Variants in DCC observed in about 807,000 individuals in gnomAD.
The protein encoded by DCC is DCC netrin 1 receptor.
Under a neutral mutation model 172.5 loss-of-function variants are expected in DCC, and 58 were observed. The observed-to-expected ratio is 0.34, with a 90% CI of 0.27 to 0.42. The LOEUF (loss-of-function observed/expected upper bound fraction) is 0.42. DCC is among the 10% of genes least tolerant of loss of function. The pLI is 1.00. For synonymous variants in DCC, 709 were observed against 644.5 expected (o/e 1.10, Z -1.52); for missense variants, 1,740 against 1,791.0 (o/e 0.97, Z 0.51).
chr18:52,386,610 A>C (rs1261834176), intron 1 of DCC, among the ~76,000 whole-genome samples: 1 of 152,090 alleles, frequency 6.6e-6, no homozygotes, highest in Non-Finnish European at 1.5e-5. Context: ...AGGTGTATAC[A>C]TTATTTCTGA....
chr18:53,313,866 GT>G (rs1407252886), intron 13 of DCC, among the ~76,000 whole-genome samples: 3 of 152,100 alleles, frequency 2.0e-5, no homozygotes, highest in African/African-American at 7.2e-5. Context: ...ACCATAATAC[GT>G]TAGCTTAATT....
chr18:52,416,497 T>C (rs1199295254), intron 1 of DCC, among the ~76,000 whole-genome samples: 3 of 151,844 alleles, frequency 2.0e-5, no homozygotes, highest in African/African-American at 7.3e-5. Context: ...ATTATTATTG[T>C]GTGGGAGTCT....
chr18:52,596,938 ATT>A (rs1295720623), intron 1 of DCC, among the ~76,000 whole-genome samples: 1 of 151,988 alleles, frequency 6.6e-6, no homozygotes, highest in Non-Finnish European at 1.5e-5. Flanking sequence ...TTGCTTGGAT[ATT>A]TTGTGAGCAT....
intron 5 of DCC, among the ~76,000 whole-genome samples, chr18:52,968,136 A>G (rs2040965976): frequency 6.6e-6 from 1 of 152,150 alleles, no homozygotes; most frequent in African/African-American, 2.4e-5. Flanking sequence ...AAATTTAATA[A>G]CGCAAAGTTC....
intron 5 of DCC, among the ~76,000 whole-genome samples, chr18:52,958,040 T>A (rs578096507): frequency 6.6e-6 from 1 of 152,048 alleles, no homozygotes; most frequent in Non-Finnish European, 1.5e-5. Flanking sequence ...ATTAGAACAG[T>A]GGTATGGAAA....
intron 1 of DCC, among the ~76,000 whole-genome samples, chr18:52,447,975 C>G (rs1988177281): frequency 6.6e-6 from 1 of 152,118 alleles, no homozygotes; most frequent in South Asian, 2.1e-4. Flanking sequence ...CGAACCAAGC[C>G]ATATCAGGAG....
rs542479917 is a variant in DCC at position 53,072,613 on chromosome 18, A to G, written c.1261+6447A>G. On this transcript the variant is annotated intron_variant, in intron 7 of 28. Transcript: ENST00000442544. Reference sequence around the variant, plus strand: ...AATATAGTGGCATAAATGCGTGAAGACAGAATAAAGTTGCCATGGGAAGAA... The same window carrying G: ...AATATAGTGGCATAAATGCGTGAAGGCAGAATAAAGTTGCCATGGGAAGAA... 5.3e-5 allele frequency among the ~76,000 whole-genome samples: 8 copies of G among 152,352 alleles called. No individual in the cohort carries two copies. The East Asian group carries it at 1.5e-3, about 29-fold the overall frequency.
chr18:53,160,446 C>T (rs1159374580), intron 8 of DCC, among the ~76,000 whole-genome samples: 2 of 152,198 alleles, frequency 1.3e-5, no homozygotes, highest in African/African-American at 2.4e-5. Flanking sequence ...GTAAACACAG[C>T]AATTAAATAT....
chr18:52,779,227 C>A (rs964352480), intron 2 of DCC, among the ~76,000 whole-genome samples: 1 of 152,128 alleles, frequency 6.6e-6, no homozygotes, highest in African/African-American at 2.4e-5. Flanking sequence ...CATAGGTACA[C>A]ACGTGCCATG....
chr18:52,654,578 G>T (rs1387176782), intron 1 of DCC, among the ~76,000 whole-genome samples: 1 of 152,074 alleles, frequency 6.6e-6, no homozygotes, highest in African/African-American at 2.4e-5. Context: ...GTTCATATCT[G>T]TGTGTCCAAA....
chr18:53,200,316 CT>C lies in DCC; in HGVS notation c.1574-4896del, dbSNP rs1252480693. Among the ~76,000 whole-genome samples the C allele has an allele frequency of 8.5e-5, 13 of 152,324 alleles. No individual in the cohort carries two copies. In the East Asian group the frequency reaches 2.5e-3, roughly 29 times the overall value. ...ATACCAGATGTGTGAAGAAAACACT[CT>C]TTTCTGATCCCTTTTAGTAACAATG... On this transcript the variant is annotated intron_variant, in intron 9 of 28. Transcript: ENST00000442544.
chr18:52,710,434 A>T (rs1373565736), intron 1 of DCC, among the ~76,000 whole-genome samples: 1 of 152,146 alleles, frequency 6.6e-6, no homozygotes, highest in East Asian at 1.9e-4. Context: ...AATTTAGGAT[A>T]AAAAAACAGA....
At chr18:52,417,073 G>A (rs909988722) in intron 1 of DCC, among the ~76,000 whole-genome samples, 1 of 152,092 alleles carries the variant, frequency 6.6e-6, no homozygotes, top group Non-Finnish European at 1.5e-5. Flanking sequence ...GCCTGGTGGT[G>A]ACAAAATCTC....
At chr18:53,133,541 T>C (rs528439467) in intron 7 of DCC, among the ~76,000 whole-genome samples, 20 of 152,282 alleles carry the variant, frequency 1.3e-4, no homozygotes, top group Middle Eastern at 3.4e-3. Context: ...AGTATTCTGG[T>C]TTTGATCCCT....
In DCC at chr18:52,923,924, C is replaced by T. The variant is rs2040162279; in HGVS notation, c.848+67C>T. 10 of 1,207,296 alleles carry T rather than the reference C, an allele frequency of 8.3e-6. No individual in the cohort carries two copies. In the South Asian group the frequency reaches 1.2e-4, roughly 15 times the overall value. 74.8% of individuals were successfully genotyped at this position (1,207,296 alleles called of 1,614,324 possible). A position where few individuals can be genotyped will look rare whatever the true frequency, so the allele number is the denominator to read the frequency against. ...ATGGTATATGCTGCTATTTATATTT[C>T]TCTAATTTGATATAAGTACCTACAG... On this transcript the variant is annotated intron_variant, in intron 4 of 28. Transcript: ENST00000442544.
chr18:52,734,030 C>G (rs1456177926), intron 1 of DCC, among the ~76,000 whole-genome samples: 2 of 152,028 alleles, frequency 1.3e-5, no homozygotes, highest in Non-Finnish European at 2.9e-5. Flanking sequence ...ATATTTCAAA[C>G]TAAAGTGTAA....
In DCC at chr18:53,030,234, T is replaced by G. The variant is rs567278778; in HGVS notation, c.986-33071T>G. Among the ~76,000 whole-genome samples, 11 of 152,334 alleles carry G rather than the reference T, an allele frequency of 7.2e-5. No homozygotes were observed. In the South Asian group the frequency reaches 2.3e-3, roughly 32 times the overall value. On this transcript the variant is annotated intron_variant, in intron 5 of 28. Coordinates refer to ENST00000442544, the MANE Select transcript of DCC (RefSeq NM_005215.4). ...CCAGTAAAGTAGGACCACTAACTTC[T>G]GGCTACCTTGCTAGAATAAGAGAGA... is the stretch of plus-strand genomic sequence containing the variant.
At chr18:52,574,367 AAG>A (rs2033364615) in intron 1 of DCC, among the ~76,000 whole-genome samples, 1 of 152,196 alleles carries the variant, frequency 6.6e-6, no homozygotes, top group African/African-American at 2.4e-5. Context: ...AATTTGATAT[AAG>A]AGAATTCATA....
chr18:53,420,796 C>T (rs62098266), intron 21 of DCC, among the ~76,000 whole-genome samples: 65,628 of 152,000 alleles, frequency 0.43, 15,970 homozygotes, highest in Non-Finnish European at 0.56. Flanking sequence ...GGAAGCAATT[C>T]AGTCCATAGC....
Sources: gnomAD v4.1 joint callset for allele counts (sites outside exome capture counted in the v4.1 genomes callset) on GRCh38, gnomAD v4.1.1 for gene constraint, MANE v1.5 for transcripts, NCBI Gene and HGNC (gene_info 2026-07-23, HGNC 2026-07-21) for gene names.